OVCH1: variants seen among roughly 807,000 people sequenced by gnomAD.
OVCH1 encodes the protein ovochymase-1.
OVCH1 carries 139 observed loss-of-function variants against 138.4 expected under a neutral mutation model. The observed-to-expected ratio is 1.00, with a 90% CI of 0.87 to 1.16. OVCH1 has a LOEUF of 1.16. Among genes scored for constraint, OVCH1 ranks in the 50% most tolerant of loss-of-function variants. The probability of loss-of-function intolerance (pLI) is 0.00; values close to 1 mark genes in which losing one functional copy is unlikely to be tolerated. For synonymous variants in OVCH1, 453 were observed against 467.8 expected (o/e 0.97, Z 0.41); for missense variants, 1,367 against 1,357.9 (o/e 1.01, Z -0.11).
intron 19 of OVCH1, among the ~76,000 whole-genome samples, chr12:29,459,378 AGG>A (rs1942055387): frequency 1.3e-5 from 2 of 152,182 alleles, no homozygotes; most frequent in Non-Finnish European, 2.9e-5. Flanking sequence ...TAAATAAGCC[AGG>A]CACAGAAAGA....
At chr12:29,447,616 T>C (rs913450087) in intron 22 of OVCH1, among the ~76,000 whole-genome samples, 5 of 152,130 alleles carry the variant, frequency 3.3e-5, no homozygotes, top group African/African-American at 4.8e-5. Context: ...TAAATGAAGA[T>C]GGTTTCATAG....
At chr12:29,478,332 G>T (rs1046734164) in intron 9 of OVCH1, among the ~76,000 whole-genome samples, 3 of 152,006 alleles carry the variant, frequency 2.0e-5, no homozygotes, top group African/African-American at 7.2e-5. Flanking sequence ...TAGGTGACAG[G>T]GTTATGAATG....
Position 29,464,517 on chromosome 12 carries a change from G to GCTTC in OVCH1, c.2111_2114dup (p.Ser705ArgfsTer27), listed in dbSNP as rs1861244939. 2 of 1,613,152 alleles carry GCTTC rather than the reference G, an allele frequency of 1.2e-6. No individual in the cohort carries two copies. The highest frequency in any genetic ancestry group is 1.7e-6 in the Non-Finnish European group (2 of 1,179,544). On this transcript the variant is annotated frameshift_variant, in exon 18 of 28. Transcript: ENST00000318184. LOFTEE classifies it high-confidence loss of function. ...CAAAAATATGCTTACCTGCACTGAT[G>GCTTC]CTTCCCCATCCGGTCACAGCACAGA...
chr12:29,403,767 T>A, the OVCH1 span, among the ~76,000 whole-genome samples: 1 of 152,252 alleles, frequency 6.6e-6, no homozygotes, highest in Non-Finnish European at 1.5e-5. Context: ...CCTATCTATT[T>A]GTGCTCACAG....
At chr12:29,421,239 G>A (rs765119742) in intron 3 of OVCH1, among the ~76,000 whole-genome samples, 1 of 152,214 alleles carries the variant, frequency 6.6e-6, no homozygotes, top group Non-Finnish European at 1.5e-5. Flanking sequence ...ATTCGAAATT[G>A]GTCAACAGCT....
At chr12:29,485,576 C>T (rs1253852174) in intron 8 of OVCH1, among the ~76,000 whole-genome samples, 1 of 152,008 alleles carries the variant, frequency 6.6e-6, no homozygotes, top group Non-Finnish European at 1.5e-5. Context: ...AGATCGAGAC[C>T]ATCCTGGCTA....
intron 23 of OVCH1, among the ~76,000 whole-genome samples, chr12:29,444,550 T>G (rs896639612): frequency 3.3e-5 from 5 of 152,122 alleles, no homozygotes; most frequent in Non-Finnish European, 7.4e-5. Flanking sequence ...ACCTGTTAAC[T>G]GCCTAATTCC....
At chr12:29,459,701 G>T (rs1942068141) in intron 19 of OVCH1, among the ~76,000 whole-genome samples, 1 of 151,996 alleles carries the variant, frequency 6.6e-6, no homozygotes, top group Admixed American at 6.6e-5. Context: ...ACCCTGATGT[G>T]ATTATTCCTT....
In OVCH1 at chr12:29,445,352, G is replaced by A. The variant is rs759821156; in HGVS notation, c.2807C>T (p.Pro936Leu). ...GGCATGGAATGTCACCCTCACCAGC[G>A]GTCCAGGACTCATGAAAGTCATTGA... The change falls in exon 23 of 28, where the codon CCG (proline) becomes CTG (leucine). Residue 936 changes from proline to leucine, a missense_variant. Coordinates refer to ENST00000318184, the Ensembl canonical transcript of OVCH1. The A allele has an allele frequency of 1.4e-5, 22 of 1,610,848 alleles. No individual in the cohort carries two copies. The Admixed American group carries it at 2.2e-4, about 16-fold the overall frequency.
intron 19 of OVCH1, among the ~76,000 whole-genome samples, chr12:29,460,248 A>G (rs1334658889): frequency 6.6e-6 from 1 of 152,198 alleles, no homozygotes; most frequent in Non-Finnish European, 1.5e-5. Flanking sequence ...GCACAAAATA[A>G]GCTCACCTTG....
chr12:29,405,021 C>CAAAAAAAAA, the OVCH1 span, among the ~76,000 whole-genome samples: 28 of 80,426 alleles, frequency 3.5e-4, 1 homozygote, highest in African/African-American at 1.0e-3. Context: ...CACTCCACCT[C>CAAAAAAAAA]AAAAAAAAAA....
At chr12:29,439,451 AAAACAAACAAAC>A (rs4033114) in intron 25 of OVCH1, 2 of 1,482,842 alleles carry the variant, frequency 1.3e-6, no homozygotes, top group East Asian at 5.0e-5. Flanking sequence ...TGGTCTGAGA[AAAACAAACAAAC>A]AAACAAACAA....
At chr12:29,439,682 G>A (rs564210604) in intron 25 of OVCH1, among the ~76,000 whole-genome samples, 171 bp downstream of exon 26, 11 of 152,214 alleles carry the variant, frequency 7.2e-5, no homozygotes, top group African/African-American at 2.2e-4. Flanking sequence ...CACAGGTTAA[G>A]AGCTCGGTTT....
chr12:29,489,480 A>C, intron 6 of OVCH1, 140 bp downstream of exon 6: 1 of 985,274 alleles, frequency 1.0e-6, no homozygotes, highest in Non-Finnish European at 1.4e-6. Context: ...ACACTTTTTC[A>C]GTAGAAATCA....
At chr12:29,426,434 T>C (rs148663228), downstream of OVCH1, among the ~76,000 whole-genome samples, 11 of 152,284 alleles carry the variant, frequency 7.2e-5, no homozygotes, top group East Asian at 1.9e-3. Flanking sequence ...ATAACTAAAT[T>C]AGTGAGAAAC....
downstream of OVCH1, among the ~76,000 whole-genome samples, chr12:29,411,459 G>C (rs1016019782): frequency 4.0e-5 from 6 of 151,826 alleles, no homozygotes; most frequent in South Asian, 2.1e-4. Flanking sequence ...CTTTGATGAT[G>C]GGGATGTACA....
At chr12:29,446,023 C>T (rs1399188467) in intron 22 of OVCH1, among the ~76,000 whole-genome samples, 1 of 152,126 alleles carries the variant, frequency 6.6e-6, no homozygotes, top group African/African-American at 2.4e-5. Flanking sequence ...GATTGTACTA[C>T]ATACAACTAT....
At chr12:29,423,750 C>G (rs192623462), downstream of OVCH1, among the ~76,000 whole-genome samples, 1 of 152,262 alleles carries the variant, frequency 6.6e-6, no homozygotes, top group African/African-American at 2.4e-5. Context: ...CAATGAAACA[C>G]TATTGATTTG....
Position 29,442,618 on chromosome 12 carries a change from T to TAAC in OVCH1, c.3157+742_3157+743insGTT, listed in dbSNP as rs1453166995. Among the ~76,000 whole-genome samples, 81 of 151,120 alleles carry TAAC rather than the reference T, an allele frequency of 5.4e-4. No homozygotes were observed. In the East Asian group the frequency reaches 0.011, roughly 21 times the overall value. On this transcript the variant is annotated intron_variant, in intron 25 of 27. Transcript: ENST00000318184. ...CACTTGTACCCTAAAACTTGAAGTA[T>TAAC]AATAATAATAAAATAAAAAAAAATA...
Sources: allele counts gnomAD v4.1 joint callset (sites outside exome capture counted in the v4.1 genomes callset), GRCh38; gene constraint gnomAD v4.1.1; transcripts MANE v1.5; gene names NCBI Gene and HGNC (gene_info 2026-07-23, HGNC 2026-07-21).